The following SOAT1 variants were observed in gnomAD, a reference collection of about 807,000 sequenced individuals.
SOAT1 encodes acyl-coenzyme A:cholesterol acyltransferase 1.
A neutral mutation model predicts 69.5 loss-of-function variants in SOAT1; 55 were observed. The observed-to-expected ratio is 0.79, with a 90% CI of 0.64 to 0.99. The LOEUF (loss-of-function observed/expected upper bound fraction) is 0.99. Among genes scored for constraint, SOAT1 ranks in the 50% least tolerant of loss-of-function variants. The probability of loss-of-function intolerance (pLI) is 0.00; values close to 1 mark genes in which losing one functional copy is unlikely to be tolerated. For missense variants in SOAT1, 580 were observed against 669.3 expected, an observed-to-expected ratio of 0.87 and a Z score of 1.47; for synonymous variants, 231 against 224.7, an observed-to-expected ratio of 1.03 and a Z score of -0.25.
chr1:179,352,774 C>T (rs79218307), intron 15 of SOAT1, among the ~76,000 whole-genome samples: 1 of 151,538 alleles, frequency 6.6e-6, no homozygotes, highest in African/African-American at 2.4e-5. Context: ...AAAGCTTCCC[C>T]TCTTTCTGTG....
chr1:179,324,261 C>T (rs1665704586), intron 3 of SOAT1, among the ~76,000 whole-genome samples: 1 of 152,130 alleles, frequency 6.6e-6, no homozygotes. Context: ...TTTATACTCA[C>T]TTTGATGTCA....
At chr1:179,325,211 G>T (rs552976035) in intron 3 of SOAT1, among the ~76,000 whole-genome samples, 13 of 137,788 alleles carry the variant, frequency 9.4e-5, no homozygotes, top group Middle Eastern at 9.4e-3. Flanking sequence ...GTGCAGTGGC[G>T]CGATCTCGGC....
intron 15 of SOAT1, among the ~76,000 whole-genome samples, chr1:179,352,256 T>C (rs1666765466): frequency 6.6e-6 from 1 of 151,920 alleles, no homozygotes; most frequent in African/African-American, 2.4e-5. Context: ...ATGGCTTTTT[T>C]TTTTTTTAAG....
intron 3 of SOAT1, among the ~76,000 whole-genome samples, chr1:179,330,092 C>T (rs1055633786): frequency 3.3e-5 from 5 of 152,144 alleles, no homozygotes; most frequent in Non-Finnish European, 7.3e-5. Context: ...GAGTTTAATG[C>T]AAAGCTAGCC....
intron 8 of SOAT1, 97 bp from the exon 9 acceptor site, chr1:179,342,765 T>C (rs1666384920): frequency 1.2e-6 from 1 of 802,050 alleles, no homozygotes; most frequent in Admixed American, 2.1e-5. Flanking sequence ...TAAGTCATTT[T>C]ATTCTTCCCT....
At chr1:179,319,752 G>A (rs1428706350) in intron 2 of SOAT1, among the ~76,000 whole-genome samples, 3 of 152,094 alleles carry the variant, frequency 2.0e-5, no homozygotes, top group Non-Finnish European at 4.4e-5. Context: ...AAGTAGCTGA[G>A]ACTACAAGTG....
At chr1:179,299,669 G>A (rs991569785) in intron 1 of SOAT1, among the ~76,000 whole-genome samples, 2 of 149,794 alleles carry the variant, frequency 1.3e-5, no homozygotes, top group African/African-American at 2.5e-5. Context: ...GAGAAATATT[G>A]CATTGTGCTA....
chr1:179,327,340 G>A (rs1044744710), intron 3 of SOAT1, among the ~76,000 whole-genome samples: 7 of 152,222 alleles, frequency 4.6e-5, no homozygotes, highest in African/African-American at 9.6e-5. Flanking sequence ...CCTCCCAGTC[G>A]TCACTTCATC....
chr1:179,326,468 T>C (rs1385937450), intron 3 of SOAT1, among the ~76,000 whole-genome samples: 1 of 152,208 alleles, frequency 6.6e-6, no homozygotes, highest in African/African-American at 2.4e-5. Context: ...GTGATTTGAC[T>C]TAGAAGTTTT....
At chr1:179,299,876 C>T (rs1400800719) in intron 1 of SOAT1, among the ~76,000 whole-genome samples, 2 of 150,078 alleles carry the variant, frequency 1.3e-5, no homozygotes, top group African/African-American at 2.5e-5. Flanking sequence ...GCCTCAGCCT[C>T]CCGAGTAGCT....
rs1352462069 is a variant in SOAT1, at chr1:179,342,185, G to T, written c.852G>T (p.Glu284Asp). The T allele has an allele frequency of 8.1e-6, 13 of 1,611,048 alleles. No individual in the cohort carries two copies. Among genetic ancestry groups the T allele is most frequent in the Non-Finnish European group, 1.1e-5 (13 of 1,177,974 alleles). ...NVPRVLNSAK[E>D]KSSTVPIPTV... ...CTCGGGTACTAAATTCAGCTAAGGA[G>T]AAATCAAGTATGTAATTTCTTTTGT... The change falls in exon 8 of 16, where the codon GAG becomes GAT. Residue 284 changes from glutamate to aspartate, a missense_variant. By Grantham distance (45) the Glu-to-Asp change is conservative. Coordinates refer to ENST00000367619, the MANE Select transcript of SOAT1 (RefSeq NM_003101.6).
intron 1 of SOAT1, among the ~76,000 whole-genome samples, chr1:179,301,666 C>G (rs1664835077): frequency 6.6e-6 from 1 of 152,158 alleles, no homozygotes; most frequent in African/African-American, 2.4e-5. Context: ...CATGTGAAAA[C>G]TGAGGGTAAT....
At chr1:179,296,894 A>ATAAGT (rs1372969506) in intron 1 of SOAT1, among the ~76,000 whole-genome samples, 1 of 152,118 alleles carries the variant, frequency 6.6e-6, no homozygotes, top group Admixed American at 6.5e-5. Context: ...CTTTCTTAAG[A>ATAAGT]TAAGTTAGAT....
At chr1:179,325,147 ATTTTTT>A (rs35938597) in intron 3 of SOAT1, among the ~76,000 whole-genome samples, 1 of 96,844 alleles carries the variant, frequency 1.0e-5, no homozygotes, top group Admixed American at 1.4e-4. Context: ...TTAGTGACTA[ATTTTTT>A]TTTTTTTTTT....
intron 13 of SOAT1, 46 bp downstream of exon 13, chr1:179,348,988 C>A: frequency 9.6e-7 from 1 of 1,044,420 alleles, no homozygotes. Flanking sequence ...AATGGAGATT[C>A]TTTTTCAGAA....
chr1:179,328,560 A>G (rs984234861), intron 3 of SOAT1, among the ~76,000 whole-genome samples: 12 of 152,190 alleles, frequency 7.9e-5, no homozygotes, highest in African/African-American at 2.4e-4. Flanking sequence ...TGGACATTAC[A>G]TGCCTGTCCT....
In SOAT1 at chr1:179,357,705, G is replaced by A. The variant is rs112694932; in HGVS notation, c.*4064G>A. The A allele has an allele frequency of 0.11, 17,392 of 152,234 alleles. 1,586 individuals are homozygous for A. The highest frequency in any genetic ancestry group is 0.25 in the African/African-American group (10,249 of 41,446). 9.4% of individuals were successfully genotyped at this position (152,234 alleles called of 1,614,324 possible). On this transcript the variant is annotated 3_prime_UTR_variant, in exon 16 of 16. Coordinates refer to ENST00000367619, the MANE Select transcript of SOAT1 (RefSeq NM_003101.6). The stretch of plus-strand genomic sequence containing the variant: ...GCTCAGAAGTTTGAGACCAGCCTGG[G>A]CAACATAGCAAAACCTTGTCACTAT...
At position 179,350,071 on chromosome 1, in the gene SOAT1, T is replaced by G. The variant is rs545487824; in HGVS notation, c.1315-225T>G. ...TGTAATAACTTACAAACATAAGTTA[T>G]TGATATTTTTGAAAATAGACTCAGA... On this transcript the variant is annotated intron_variant, in intron 13 of 15. Coordinates refer to ENST00000367619, the MANE Select transcript of SOAT1 (RefSeq NM_003101.6). 2.0e-5 allele frequency among the ~76,000 whole-genome samples: 3 copies of G among 152,338 alleles called. No individual in the cohort carries two copies. In the East Asian group the frequency reaches 5.8e-4, roughly 29 times the overall value.
chr1:179,316,856 C>T (rs2254625), intron 2 of SOAT1, among the ~76,000 whole-genome samples: 149,835 of 152,336 alleles, frequency 0.98, 73,742 homozygotes, highest in Middle Eastern at 1. Context: ...TCATGTCTTT[C>T]TTCCAAGTGA....
Sources: allele counts gnomAD v4.1 joint callset (sites outside exome capture counted in the v4.1 genomes callset), GRCh38; gene constraint gnomAD v4.1.1; transcripts MANE v1.5; gene names NCBI Gene and HGNC (gene_info 2026-07-23, HGNC 2026-07-21).